The following ABCA8 variants were observed in gnomAD, a reference collection of about 807,000 sequenced individuals.
ABCA8 encodes the protein ATP binding cassette subfamily A member 8.
Under a neutral mutation model 192.3 loss-of-function variants are expected in ABCA8, and 177 were observed. The observed-to-expected ratio is 0.92, with a 90% CI of 0.81 to 1.04. The LOEUF (loss-of-function observed/expected upper bound fraction) is 1.04, where lower values mean the gene tolerates loss of function less well. ABCA8 is among the 50% of genes least tolerant of loss of function. The probability of loss-of-function intolerance (pLI) is 0.00; values close to 1 mark genes in which losing one functional copy is unlikely to be tolerated. For missense variants in ABCA8, 1,915 were observed against 1,904.8 expected, an observed-to-expected ratio of 1.01 and a Z score of -0.10; for synonymous variants, 642 against 690.2, an observed-to-expected ratio of 0.93 and a Z score of 1.09.
In ABCA8 at chr17:68,941,652, T is replaced by C. The variant is rs139621779; in HGVS notation, c.96+287A>G. On this transcript the variant is annotated intron_variant, in intron 3 of 39. Coordinates refer to ENST00000586539, the MANE Select transcript of ABCA8 (RefSeq NM_001288985.2). ...GTATCTTAACCCTAGTCTCCATGAC[T>C]GGGGACACTAGTAACAAATGTGACC... Among the ~76,000 whole-genome samples the C allele has an allele frequency of 2.0e-3, 307 of 152,286 alleles. 3 individuals are homozygous for C. Among genetic ancestry groups the C allele is most frequent in the African/African-American group, 6.9e-3 (288 of 41,564 alleles).
In ABCA8 at chr17:68,918,416, A is replaced by G. The variant is rs1223221084; in HGVS notation, c.1908+11T>C. On this transcript the variant is annotated intron_variant, in intron 15 of 39. Coordinates refer to ENST00000586539, the MANE Select transcript of ABCA8 (RefSeq NM_001288985.2). Reference sequence around the variant, plus strand: ...AACTTTGAATTCACCTGCAAATTCAATGTGACTCACCTGAGGATCTCCTAA... The same window carrying G: ...AACTTTGAATTCACCTGCAAATTCAGTGTGACTCACCTGAGGATCTCCTAA... 1.0e-5 allele frequency: 16 copies of G among 1,566,854 alleles called. No individual in the cohort carries two copies. Among genetic ancestry groups the G allele is most frequent in the South Asian group, 3.5e-5 (3 of 85,590 alleles).
At chr17:68,930,740 C>T (rs778358609) in intron 7 of ABCA8, among the ~76,000 whole-genome samples, 3 of 152,142 alleles carry the variant, frequency 2.0e-5, no homozygotes, top group Non-Finnish European at 4.4e-5. Context: ...CTTTAGATTT[C>T]ACTGCTCTGC....
At chr17:68,895,184 AT>A (rs1441477957) in intron 21 of ABCA8, among the ~76,000 whole-genome samples, 171 bp from the exon 22 acceptor site, 4 of 152,198 alleles carry the variant, frequency 2.6e-5, no homozygotes, top group African/African-American at 7.2e-5. Context: ...CCTTCATGAT[AT>A]TTTTATTTGC....
At position 68,899,222 on chromosome 17, in the gene ABCA8, T is replaced by C. The variant is rs574529557; in HGVS notation, c.2764+3491A>G. The stretch of plus-strand genomic sequence containing the variant: ...AGAAAACAAACAATAAACTGGCAGA[T>C]ACAAATCCTACATTATTAGTAAAAA... On this transcript the variant is annotated intron_variant, in intron 21 of 39. Transcript: ENST00000586539. 3.9e-5 allele frequency among the ~76,000 whole-genome samples: 6 copies of C among 152,158 alleles called. No individual in the cohort carries two copies. The East Asian group carries it at 1.2e-3, about 29-fold the overall frequency.
rs772594118 is a variant in ABCA8 at position 68,927,968 on chromosome 17, A to G, written c.1221T>C (p.Phe407=). ...LIVATNFMLA[F]DTCLYLALAI... Reference sequence around the variant, plus strand: ...CCAATGCCAGATAGAGGCAAGTGTCAAATGCCAACATGAAATTTGTTGCTA... The same window carrying G: ...CCAATGCCAGATAGAGGCAAGTGTCGAATGCCAACATGAAATTTGTTGCTA... The change falls in exon 10 of 40, where the codon TTT becomes TTC. Residue 407 remains phenylalanine, a synonymous_variant. Transcript: ENST00000586539. 6.2e-7 allele frequency: 1 copy of G among 1,609,048 alleles called. No homozygotes were observed. Among genetic ancestry groups the G allele is most frequent in the Non-Finnish European group, 8.5e-7 (1 of 1,178,316 alleles).
chr17:68,919,438 C>T lies in ABCA8; in HGVS notation c.1651G>A (p.Ala551Thr), dbSNP rs748461952. 2 of 1,613,822 alleles carry T rather than the reference C, an allele frequency of 1.2e-6. No homozygotes were observed. Among genetic ancestry groups the T allele is most frequent in the Admixed American group, 1.7e-5 (1 of 59,998 alleles). Residue 551 changes from alanine (A) to threonine (T), a missense_variant, in exon 14 of 40, where the codon GCT becomes ACT. Physicochemically the swap from Ala to Thr is moderately conservative, Grantham distance 58. Coordinates refer to ENST00000586539, the MANE Select transcript of ABCA8 (RefSeq NM_001288985.2). ...AGCTTGCTGAGATTTTCTAGGTCAG[C>T]CATTTCTGAAAGCTTATTGTTATAG... ...TIYNNKLSEM[A>T]DLENLSKLTG... is the part of the protein sequence containing the mutation.
intron 23 of ABCA8, 134 bp from the exon 24 acceptor site, chr17:68,891,730 AT>A: frequency 1.7e-6 from 1 of 597,062 alleles, no homozygotes. Flanking sequence ...AGATTCCTTC[AT>A]TATCCTTCCA....
intron 9 of ABCA8, among the ~76,000 whole-genome samples, chr17:68,928,778 G>A (rs1385124910): frequency 6.6e-6 from 1 of 152,118 alleles, no homozygotes; most frequent in African/African-American, 2.4e-5. Flanking sequence ...TTTGCCACAT[G>A]TCCATATTTA....
intron 22 of ABCA8, among the ~76,000 whole-genome samples, chr17:68,894,571 T>C (rs1210947430): frequency 6.6e-6 from 1 of 152,206 alleles, no homozygotes. Flanking sequence ...GTTCAGTGTT[T>C]ATTGTTTAAG....
At chr17:68,914,418 A>T (rs2067302131) in intron 17 of ABCA8, among the ~76,000 whole-genome samples, 1 of 152,142 alleles carries the variant, frequency 6.6e-6, no homozygotes, top group Non-Finnish European at 1.5e-5. Flanking sequence ...CCAAAATGCT[A>T]TTAGAACTGA....
chr17:68,893,486 G>T (rs2066664005), intron 23 of ABCA8, among the ~76,000 whole-genome samples: 1 of 152,190 alleles, frequency 6.6e-6, no homozygotes, highest in South Asian at 2.1e-4. Flanking sequence ...AATGTAGATA[G>T]TCTGAAATTC....
intron 39 of ABCA8, 56 bp from the exon 40 acceptor site, chr17:68,868,239 C>T (rs1027599943): frequency 1.2e-6 from 2 of 1,606,482 alleles, no homozygotes; most frequent in South Asian, 2.2e-5. Flanking sequence ...GCCTCTGCAG[C>T]TCCCAGGGAA....
Position 68,928,195 on chromosome 17 carries a change from T to A in ABCA8, c.1126-132A>T, listed in dbSNP as rs1020125977. ...AATAGAGTTATATAGGGAGACTGCC[T>A]CCTTTATGGTTCTCAAATCTATGCC... is the stretch of plus-strand genomic sequence containing the variant. On this transcript the variant is annotated intron_variant, in intron 9 of 39. Transcript: ENST00000586539. 4.7e-6 allele frequency: 3 copies of A among 641,316 alleles called. No homozygotes were observed. The African/African-American group carries it at 5.8e-5, about 12-fold the overall frequency. 39.7% of individuals were successfully genotyped at this position (641,316 alleles called of 1,614,324 possible).
intron 37 of ABCA8, among the ~76,000 whole-genome samples, chr17:68,871,957 T>C (rs1433890159): frequency 2.6e-5 from 4 of 152,198 alleles, no homozygotes; most frequent in African/African-American, 7.2e-5. Context: ...GTACTACTTC[T>C]ACTTATAAAA....
rs2143246422 is a variant in ABCA8 at position 68,876,531 on chromosome 17, C to T, written c.4299G>A (p.Leu1433=). Residue 1433 remains leucine (L), a synonymous_variant, in exon 35 of 40, where the codon CTG becomes CTA. Coordinates refer to ENST00000586539, the MANE Select transcript of ABCA8 (RefSeq NM_001288985.2). ...KRKLCFVLSI[L]GNPSVVLLDE... is the part of the protein sequence containing the mutation. ...CCAGAAGCACCACTGACGGGTTCCC[C>T]AGTATGCTCAGGACAAAGCACAGCT... The T allele has an allele frequency of 6.2e-7, 1 of 1,614,114 alleles. No individual in the cohort carries two copies. The highest frequency in any genetic ancestry group is 8.5e-7 in the Non-Finnish European group (1 of 1,179,980).
rs146930840 is a variant in ABCA8, at chr17:68,881,892, G to A, written c.3917C>T (p.Thr1306Met). 1.7e-4 allele frequency: 278 copies of A among 1,614,024 alleles called. No individual in the cohort carries two copies. Among genetic ancestry groups the A allele is most frequent in the African/African-American group, 1.5e-3 (109 of 75,032 alleles). Residue 1306 changes from threonine (T) to methionine (M), a missense_variant, in exon 31 of 40, where the codon ACG becomes ATG. Physicochemically the swap from Thr to Met is moderately conservative, Grantham distance 81. Transcript: ENST00000586539. ...CFSKRKNKIA[T>M]RNVSFCVRKG... Reference sequence around the variant, plus strand: ...TCTAACACAGAAGGAGACATTTCTCGTGGCTATCTTATTCTTCCTCTTGGA... The same window carrying A: ...TCTAACACAGAAGGAGACATTTCTCATGGCTATCTTATTCTTCCTCTTGGA...
chr17:68,922,128 G>A (rs1335383428), intron 12 of ABCA8, 114 bp downstream of exon 12: 14 of 739,452 alleles, frequency 1.9e-5, no homozygotes, highest in South Asian at 7.5e-5. Context: ...ATTAATCACC[G>A]AAAGCAAAAC....
chr17:68,887,893 T>TCC (rs1227704609), intron 24 of ABCA8, among the ~76,000 whole-genome samples: 3 of 43,106 alleles, frequency 7.0e-5, no homozygotes, highest in African/African-American at 5.3e-4. Flanking sequence ...TATATATATA[T>TCC]ATATATATAT....
intron 32 of ABCA8, among the ~76,000 whole-genome samples, chr17:68,880,581 C>T (rs1039188747): frequency 6.6e-6 from 1 of 152,148 alleles, no homozygotes; most frequent in Non-Finnish European, 1.5e-5. Context: ...TGGTTTCTGG[C>T]ACCTCCAAGC....
Sources: gnomAD v4.1 joint callset for allele counts (sites outside exome capture counted in the v4.1 genomes callset) on GRCh38, gnomAD v4.1.1 for gene constraint, MANE v1.5 for transcripts, NCBI Gene and HGNC (gene_info 2026-07-23, HGNC 2026-07-21) for gene names.